Variants in NFATC2 observed in about 807,000 individuals in gnomAD.
NFATC2 encodes the protein nuclear factor of activated T-cells, cytoplasmic 2.
Under a neutral mutation model 87.3 loss-of-function variants are expected in NFATC2, and 22 were observed. The observed-to-expected ratio is 0.25, with a 90% CI of 0.18 to 0.36. The LOEUF is 0.36. Among genes scored for constraint, NFATC2 ranks in the 10% least tolerant of loss-of-function variants. The pLI, the probability that NFATC2 is intolerant of heterozygous loss-of-function variation, is 1.00. For missense variants in NFATC2, 1,149 were observed against 1,259.1 expected, an observed-to-expected ratio of 0.91 and a Z score of 1.32; for synonymous variants, 565 against 542.2, an observed-to-expected ratio of 1.04 and a Z score of -0.58.
chr20:51,494,458 G>A (rs2075954666), intron 3 of NFATC2, among the ~76,000 whole-genome samples: 1 of 152,016 alleles, frequency 6.6e-6, no homozygotes, highest in Non-Finnish European at 1.5e-5. Context: ...GCTCTTGAGG[G>A]GCTCCCCACT....
chr20:51,507,084 T>A lies in NFATC2; in HGVS notation c.1332+9700A>T, dbSNP rs553757388. ...CTGGGCTCAGCCCATGTGCTCATTG[T>A]ACCCCATGCCTGGGGCGTGATGCTG... On this transcript the variant is annotated intron_variant, in intron 3 of 10. Coordinates refer to ENST00000371564, the MANE Select transcript of NFATC2 (RefSeq NM_012340.5). 4.6e-5 allele frequency among the ~76,000 whole-genome samples: 7 copies of A among 152,308 alleles called. No homozygotes were observed. The South Asian group carries it at 1.4e-3, about 32-fold the overall frequency.
intron 1 of NFATC2, among the ~76,000 whole-genome samples, chr20:51,550,333 G>A (rs1418242485): frequency 6.6e-6 from 1 of 152,170 alleles, no homozygotes; most frequent in Non-Finnish European, 1.5e-5. Flanking sequence ...ATGCAAGCCT[G>A]TAATCCCAGG....
intron 10 of NFATC2, among the ~76,000 whole-genome samples, chr20:51,397,620 C>T (rs2146220159): frequency 6.6e-6 from 1 of 152,230 alleles, no homozygotes; most frequent in Middle Eastern, 3.4e-3. Context: ...TGAGGGACTC[C>T]CCAGGAGCCG....
chr20:51,456,544 A>G (rs1354798294), intron 5 of NFATC2, among the ~76,000 whole-genome samples: 2 of 152,194 alleles, frequency 1.3e-5, no homozygotes, highest in African/African-American at 4.8e-5. Flanking sequence ...CCACCTTCCC[A>G]GGGCAGGCAA....
chr20:51,513,200 C>T (rs1331444661), intron 3 of NFATC2, among the ~76,000 whole-genome samples: 1 of 152,118 alleles, frequency 6.6e-6, no homozygotes, highest in Non-Finnish European at 1.5e-5. Context: ...GCACTTGGGC[C>T]ACTTGTGGTG....
At chr20:51,559,494 G>A (rs1202586085) in intron 1 of NFATC2, among the ~76,000 whole-genome samples, 1 of 152,206 alleles carries the variant, frequency 6.6e-6, no homozygotes. Flanking sequence ...CAGAGCATAT[G>A]GTGAAGAGTT....
intron 5 of NFATC2, among the ~76,000 whole-genome samples, chr20:51,467,752 G>C (rs1276875665): frequency 1.3e-5 from 2 of 152,172 alleles, no homozygotes; most frequent in Admixed American, 6.5e-5. Flanking sequence ...TCCTTGTTCA[G>C]AGTGGACTAT....
chr20:51,410,566 G>A (rs1390404492), intron 9 of NFATC2, among the ~76,000 whole-genome samples: 1 of 151,848 alleles, frequency 6.6e-6, no homozygotes, highest in Non-Finnish European at 1.5e-5. Context: ...GAAAGAGGGA[G>A]AGAAAGGGAG....
At chr20:51,408,591 T>C (rs575033131) in intron 9 of NFATC2, among the ~76,000 whole-genome samples, 6 of 150,650 alleles carry the variant, frequency 4.0e-5, no homozygotes, top group Admixed American at 1.3e-4. Flanking sequence ...CACCAACAGA[T>C]TACATCTTCT....
chr20:51,533,160 G>A (rs1018316417), intron 1 of NFATC2, among the ~76,000 whole-genome samples: 4 of 152,198 alleles, frequency 2.6e-5, no homozygotes, highest in East Asian at 1.9e-4. Context: ...CCTGCCACTC[G>A]CCCCGACAAC....
Position 51,388,113 on chromosome 20 carries a change from G to C in NFATC2, c.*3383C>G, listed in dbSNP as rs1034180399. The C allele has an allele frequency of 6.6e-6, 1 of 152,138 alleles. No individual in the cohort carries two copies. The highest frequency in any genetic ancestry group is 1.5e-5 in the Non-Finnish European group (1 of 68,016). The allele number at this position is 152,138 out of a possible 1,614,324, so 9.4% of individuals were successfully genotyped here. A position where few individuals can be genotyped will look rare whatever the true frequency, so the allele number is the denominator to read the frequency against. On this transcript the variant is annotated 3_prime_UTR_variant, in exon 11 of 11. Transcript: ENST00000371564. ...TGTCCTTTGGATAAAGCATACAGGA[G>C]TTATCTACCAGGATTTAGATTTGGT... is the stretch of plus-strand genomic sequence containing the variant.
At chr20:51,498,235 AG>A (rs1219827082) in intron 3 of NFATC2, among the ~76,000 whole-genome samples, 1 of 152,116 alleles carries the variant, frequency 6.6e-6, no homozygotes, top group Non-Finnish European at 1.5e-5. Flanking sequence ...TCCATCACCC[AG>A]ACTCCCAGGG....
chr20:51,454,927 C>T (rs1274511836), intron 5 of NFATC2, among the ~76,000 whole-genome samples: 1 of 152,216 alleles, frequency 6.6e-6, no homozygotes, highest in Non-Finnish European at 1.5e-5. Flanking sequence ...TTTCATGAAT[C>T]AAGGGACAGA....
rs1986139055 is a variant in NFATC2 at position 51,389,878 on chromosome 20, T to A, written c.*1618A>T. ...TGCCTACAGACTGTACAGACTGGAC[T>A]GAGAAAACACTCTAAGTACAGTCTG... On this transcript the variant is annotated 3_prime_UTR_variant, in exon 11 of 11. Transcript: ENST00000371564. 3 of 152,206 alleles carry A rather than the reference T, an allele frequency of 2.0e-5. No individual in the cohort carries two copies. The allele number at this position is 152,206 out of a possible 1,614,324, so 9.4% of individuals were successfully genotyped here. A position where few individuals can be genotyped will look rare whatever the true frequency, so the allele number is the denominator to read the frequency against.
At chr20:51,396,027 G>C (rs538687497) in intron 10 of NFATC2, among the ~76,000 whole-genome samples, 1 of 126,072 alleles carries the variant, frequency 7.9e-6, no homozygotes, top group African/African-American at 2.9e-5. Context: ...TAGTTTGTCA[G>C]CTCCTAGTAT....
At chr20:51,559,011 T>C (rs2077000482) in intron 1 of NFATC2, among the ~76,000 whole-genome samples, 1 of 152,172 alleles carries the variant, frequency 6.6e-6, no homozygotes, top group African/African-American at 2.4e-5. Context: ...AAGTTAGTCA[T>C]GGGAGTGTCT....
At chr20:51,418,229 A>G (rs999254781) in intron 9 of NFATC2, among the ~76,000 whole-genome samples, 2 of 152,194 alleles carry the variant, frequency 1.3e-5, no homozygotes, top group African/African-American at 4.8e-5. Flanking sequence ...CGAAACACAC[A>G]TGGTGTGGTC....
intron 3 of NFATC2, among the ~76,000 whole-genome samples, chr20:51,513,198 G>A (rs1055926715): frequency 2.0e-5 from 3 of 152,166 alleles, no homozygotes; most frequent in Non-Finnish European, 2.9e-5. Flanking sequence ...AGGCACTTGG[G>A]CCACTTGTGG....
chr20:51,551,652 G>A (rs555357393), intron 1 of NFATC2, among the ~76,000 whole-genome samples: 22 of 148,108 alleles, frequency 1.5e-4, no homozygotes, highest in Non-Finnish European at 2.2e-4. Context: ...TCAAGCTACC[G>A]CATCTGGCCT....
Sources: allele counts gnomAD v4.1 joint callset (sites outside exome capture counted in the v4.1 genomes callset), GRCh38; gene constraint gnomAD v4.1.1; transcripts MANE v1.5; gene names NCBI Gene and HGNC (gene_info 2026-07-23, HGNC 2026-07-21).